SYT14: variants seen among roughly 807,000 people sequenced by gnomAD.
SYT14 encodes synaptotagmin-14.
In SYT14, 32 loss-of-function variants were observed where a neutral mutation model predicts 74.2. The ratio of observed to expected loss-of-function variants is 0.43; its 90% CI spans 0.33 to 0.58. The LOEUF is 0.58. Ranked by LOEUF, SYT14 falls within the 20% of genes least tolerant of loss-of-function variation. The pLI is 0.05. For missense variants in SYT14, 791 were observed against 981.8 expected (o/e 0.81, Z 2.60); for synonymous variants, 298 against 337.7 (o/e 0.88, Z 1.29).
chr1:210,119,200 A>G (rs1011326336), intron 7 of SYT14, among the ~76,000 whole-genome samples: 2 of 152,212 alleles, frequency 1.3e-5, no homozygotes, highest in Admixed American at 6.5e-5. Context: ...AATTATGGAT[A>G]TATCTGCTGA....
At chr1:210,050,656 G>A (rs550463127) in intron 5 of SYT14, among the ~76,000 whole-genome samples, 29 of 152,228 alleles carry the variant, frequency 1.9e-4, no homozygotes, top group Non-Finnish European at 3.7e-4. Flanking sequence ...ACATCGTTTG[G>A]GAGGCCTCAC....
intron 2 of SYT14, among the ~76,000 whole-genome samples, chr1:209,981,732 A>G (rs1373719240): frequency 6.6e-6 from 1 of 152,018 alleles, no homozygotes; most frequent in South Asian, 2.1e-4. Flanking sequence ...TTGGGATTAT[A>G]GATGTGAGCC....
At position 210,096,234 on chromosome 1, in the gene SYT14, A is replaced by G. The variant is rs114459602; in HGVS notation, c.1584+1641A>G. On this transcript the variant is annotated intron_variant, in intron 6 of 9. Transcript: ENST00000637265. ...TGCCAAAACAGTGCTCTTAACAACT[A>G]TATTATATTGCCTTTTTTGATCCAA... is the stretch of plus-strand genomic sequence containing the variant. Among the ~76,000 whole-genome samples the G allele has an allele frequency of 8.5e-3, 1,292 of 152,296 alleles. 22 individuals carry two copies. Among genetic ancestry groups the G allele is most frequent in the African/African-American group, 0.029 (1,222 of 41,576 alleles).
chr1:210,142,163 C>A (rs1256360225), intron 7 of SYT14, among the ~76,000 whole-genome samples: 1 of 152,192 alleles, frequency 6.6e-6, no homozygotes, highest in African/African-American at 2.4e-5. Flanking sequence ...GGCTCCTGGG[C>A]ACTCCAAACC....
intron 5 of SYT14, among the ~76,000 whole-genome samples, chr1:210,051,275 T>C (rs2080989588): frequency 6.6e-6 from 1 of 152,204 alleles, no homozygotes; most frequent in South Asian, 2.1e-4. Flanking sequence ...TTGCGTAATG[T>C]TTGTCCTCAG....
intron 5 of SYT14, among the ~76,000 whole-genome samples, chr1:210,071,010 T>G (rs1235784336): frequency 6.6e-6 from 1 of 150,448 alleles, no homozygotes; most frequent in Non-Finnish European, 1.5e-5. Flanking sequence ...GATAAAAACT[T>G]CAGACATGTA....
intron 7 of SYT14, among the ~76,000 whole-genome samples, chr1:210,134,903 C>CAT (rs1341100759): frequency 1.3e-5 from 2 of 152,090 alleles, no homozygotes; most frequent in Non-Finnish European, 2.9e-5. Flanking sequence ...AACTCTGATA[C>CAT]ATATATATGA....
chr1:210,068,594 C>CG (rs1311727380), intron 5 of SYT14, among the ~76,000 whole-genome samples: 2 of 151,468 alleles, frequency 1.3e-5, no homozygotes, highest in Non-Finnish European at 3.0e-5. Context: ...ATTGGATTCT[C>CG]TATTTCTTCA....
At chr1:210,129,252 A>G (rs920787931) in intron 7 of SYT14, among the ~76,000 whole-genome samples, 4 of 152,206 alleles carry the variant, frequency 2.6e-5, no homozygotes, top group Non-Finnish European at 4.4e-5. Flanking sequence ...TTCTTCAGGC[A>G]TGACAGAAGT....
chr1:210,091,751 T>TA (rs1166149876), intron 5 of SYT14, among the ~76,000 whole-genome samples: 21 of 152,296 alleles, frequency 1.4e-4, no homozygotes, highest in African/African-American at 4.8e-4. Context: ...TCCATATAGA[T>TA]ATGAAGAGTG....
chr1:210,162,668 G>T, exon 10 of SYT14: 1 of 446,546 alleles, frequency 2.2e-6, no homozygotes, highest in East Asian at 7.0e-5. Context: ...ACTAGAACTT[G>T]TTATTACCAT....
chr1:210,110,096 A>T (rs1449477560), intron 7 of SYT14, among the ~76,000 whole-genome samples: 1 of 152,164 alleles, frequency 6.6e-6, no homozygotes, highest in Non-Finnish European at 1.5e-5. Flanking sequence ...GGAGGGGAAC[A>T]TCACACACCG....
chr1:210,003,857 C>A (rs2079943776), intron 2 of SYT14, among the ~76,000 whole-genome samples: 1 of 152,048 alleles, frequency 6.6e-6, no homozygotes, highest in Non-Finnish European at 1.5e-5. Context: ...TATTTTTTCC[C>A]ACATAAATTT....
At chr1:210,004,493 CA>C (rs1345294347) in intron 2 of SYT14, among the ~76,000 whole-genome samples, 1 of 152,022 alleles carries the variant, frequency 6.6e-6, no homozygotes, top group Non-Finnish European at 1.5e-5. Flanking sequence ...TTTCATCATA[CA>C]TCTCTTAATT....
chr1:210,152,374 A>T (rs1023478063), intron 7 of SYT14, among the ~76,000 whole-genome samples: 14 of 152,198 alleles, frequency 9.2e-5, no homozygotes, highest in South Asian at 4.1e-4. Flanking sequence ...AAAACATTTT[A>T]AAAAATTTTA....
chr1:209,990,646 A>C (rs1477776974), intron 2 of SYT14, among the ~76,000 whole-genome samples: 1 of 144,250 alleles, frequency 6.9e-6, no homozygotes, highest in Non-Finnish European at 1.5e-5. Context: ...GTTATTTATC[A>C]AAAATTTAGC....
At chr1:210,075,951 A>G (rs921222043) in intron 5 of SYT14, among the ~76,000 whole-genome samples, 2 of 152,174 alleles carry the variant, frequency 1.3e-5, no homozygotes, top group Non-Finnish European at 2.9e-5. Flanking sequence ...ATTATGTTTT[A>G]TATAATTTTC....
chr1:209,976,713 A>G (rs1572097524), intron 2 of SYT14, among the ~76,000 whole-genome samples: 1 of 152,304 alleles, frequency 6.6e-6, no homozygotes, highest in Middle Eastern at 3.4e-3. Context: ...GTAGATGTGT[A>G]TTAGGTCCAC....
chr1:209,995,313 C>T (rs1343833816), intron 2 of SYT14, among the ~76,000 whole-genome samples: 1 of 151,656 alleles, frequency 6.6e-6, no homozygotes, highest in South Asian at 2.1e-4. Flanking sequence ...CAAACAGAAA[C>T]CAAAAAAAGA....
Sources: gnomAD v4.1 joint callset for allele counts (sites outside exome capture counted in the v4.1 genomes callset) on GRCh38, gnomAD v4.1.1 for gene constraint, MANE v1.5 for transcripts, NCBI Gene and HGNC (gene_info 2026-07-23, HGNC 2026-07-21) for gene names.